The following DOCK5 variants were observed in gnomAD, a reference collection of about 807,000 sequenced individuals.
DOCK5 encodes the protein dedicator of cytokinesis 5, also known as dedicator of cytokinesis protein 5.
Under a neutral mutation model 251.8 loss-of-function variants are expected in DOCK5, and 142 were observed. The ratio of observed to expected loss-of-function variants is 0.56; its 90% CI spans 0.49 to 0.65. The LOEUF (loss-of-function observed/expected upper bound fraction) is 0.65. Ranked by LOEUF, DOCK5 falls within the 30% of genes least tolerant of loss-of-function variation. The probability of loss-of-function intolerance (pLI) is 0.00; values close to 1 mark genes in which losing one functional copy is unlikely to be tolerated. For missense variants in DOCK5, 2,111 were observed against 2,312.3 expected (o/e 0.91, Z 1.79); for synonymous variants, 842 against 835.5 (o/e 1.01, Z -0.13).
At chr8:25,228,856 C>G (rs770448625) in intron 1 of DOCK5, among the ~76,000 whole-genome samples, 24 of 151,930 alleles carry the variant, frequency 1.6e-4, no homozygotes, top group Non-Finnish European at 2.6e-4. Flanking sequence ...GAGAATTGAA[C>G]TCTTCGTAAG....
chr8:25,372,857 T>C (rs539156971), intron 35 of DOCK5, 139 bp downstream of exon 35: 5 of 771,058 alleles, frequency 6.5e-6, no homozygotes, highest in Non-Finnish European at 1.0e-5. Flanking sequence ...CTAAGTCTAA[T>C]TGGAATGGCT....
chr8:25,407,864 C>CA lies in DOCK5; in HGVS notation c.5094-97dup, dbSNP rs10606113. 2.3e-4 allele frequency: 223 copies of CA among 987,892 alleles called. 1 individual carries two copies. The African/African-American group carries it at 3.2e-3, about 14-fold the overall frequency. 61.2% of individuals were successfully genotyped at this position (987,892 alleles called of 1,614,324 possible). On this transcript the variant is annotated intron_variant, in intron 48 of 51. Coordinates refer to ENST00000276440, the MANE Select transcript of DOCK5 (RefSeq NM_024940.8). ...GAATGATGGGAGAAAGACCCTGTCT[C>CA]AAAAAAAAAAAAAAAAAAAAAATAG...
intron 1 of DOCK5, among the ~76,000 whole-genome samples, chr8:25,204,437 A>G (rs997383847): frequency 1.1e-4 from 16 of 152,298 alleles, no homozygotes; most frequent in African/African-American, 3.8e-4. Context: ...CAAAACAGAG[A>G]TAATATTTTC....
At position 25,411,426 on chromosome 8, in the gene DOCK5, C is replaced by T. The variant is rs896293134; in HGVS notation, c.*128C>T. The T allele has an allele frequency of 8.0e-6, 10 of 1,242,892 alleles. No homozygotes were observed. Among genetic ancestry groups the T allele is most frequent in the Admixed American group, 4.2e-5 (1 of 23,744 alleles). 77.0% of individuals were successfully genotyped at this position (1,242,892 alleles called of 1,614,324 possible). On this transcript the variant is annotated 3_prime_UTR_variant, in exon 52 of 52. Transcript: ENST00000276440. ...TTTCCTGATCTGGGATGATGTTTAC[C>T]AGCCCAAAACCAGTCATGTTCTTCC...
intron 24 of DOCK5, 91 bp from the exon 25 acceptor site, chr8:25,342,310 C>G (rs1805973011): frequency 1.0e-6 from 1 of 962,044 alleles, no homozygotes; most frequent in Admixed American, 2.2e-5. Flanking sequence ...TCTCTCCATG[C>G]CCAAATCTCA....
At chr8:25,253,702 TAA>T (rs1313981776) in intron 2 of DOCK5, among the ~76,000 whole-genome samples, 3 of 152,160 alleles carry the variant, frequency 2.0e-5, no homozygotes, top group Admixed American at 6.5e-5. Flanking sequence ...CATAGTAATA[TAA>T]GAGTCAGTTA....
At chr8:25,271,172 TA>T (rs199713247) in intron 3 of DOCK5, 12 of 229,828 alleles carry the variant, frequency 5.2e-5, no homozygotes, top group Middle Eastern at 1.4e-3. Flanking sequence ...GGATTTTTTT[TA>T]AATTTTTTTG....
rs150585750 is a variant in DOCK5, at chr8:25,389,170, A to G, written c.4211A>G (p.Asn1404Ser). Residue 1404 changes from asparagine to serine, a missense_variant, in exon 41 of 52, where the codon AAT (asparagine) becomes AGT (serine). Coordinates refer to ENST00000276440, the MANE Select transcript of DOCK5 (RefSeq NM_024940.8). ...CTGAGGTTGTTAACCCAGTTCCCCA[A>G]TGCGGAGAAGATGACCAGTACCACG... ...FSLRLLTQFP[N>S]AEKMTSTTPP... The G allele has an allele frequency of 1.4e-4, 228 of 1,614,016 alleles. No individual in the cohort carries two copies. In the African/African-American group the frequency reaches 2.1e-3, roughly 15 times the overall value.
chr8:25,286,664 GT>G (rs138603711), intron 5 of DOCK5, among the ~76,000 whole-genome samples: 7 of 147,662 alleles, frequency 4.7e-5, no homozygotes, highest in Admixed American at 6.8e-5. Context: ...TCTCTTTTTT[GT>G]TTTTTTTTTG....
At chr8:25,236,905 A>G (rs1051366401) in intron 1 of DOCK5, among the ~76,000 whole-genome samples, 10 of 152,138 alleles carry the variant, frequency 6.6e-5, no homozygotes, top group African/African-American at 2.4e-4. Flanking sequence ...GGCCATAGTC[A>G]TCTTTGGAAT....
rs776283884 is a variant in DOCK5, at chr8:25,373,631, A to G, written c.3698A>G (p.Glu1233Gly). Residue 1233 changes from glutamate to glycine, a missense_variant, in exon 36 of 52, where the codon GAA becomes GGA. Glu to Gly is a moderately conservative substitution (Grantham distance 98). This residue lies in a region of DOCK5 where 1,717 missense variants were observed against 1,892.4 expected (regional missense o/e 0.91). Transcript: ENST00000276440. Reference protein sequence around the residue: ...CTVNVLNFYKEKKREDIYIRY... With the variant: ...CTVNVLNFYKGKKREDIYIRY... Reference sequence around the variant, plus strand: ...TTTTCCTGGCAGAACTTTTATAAAGAAAAGAAGAGAGAGGACATATACATA... The same window carrying G: ...TTTTCCTGGCAGAACTTTTATAAAGGAAAGAAGAGAGAGGACATATACATA... The G allele has an allele frequency of 2.3e-5, 37 of 1,596,282 alleles. No homozygotes were observed. The highest frequency in any genetic ancestry group is 2.5e-5 in the Non-Finnish European group (29 of 1,171,074).
intron 33 of DOCK5, among the ~76,000 whole-genome samples, chr8:25,369,330 A>G (rs1800832600): frequency 6.6e-6 from 1 of 152,244 alleles, no homozygotes; most frequent in South Asian, 2.1e-4. Flanking sequence ...TTTGGATAAT[A>G]TGTTTTTAAT....
intron 1 of DOCK5, among the ~76,000 whole-genome samples, chr8:25,207,549 C>T (rs1802030888): frequency 6.6e-6 from 1 of 152,174 alleles, no homozygotes; most frequent in South Asian, 2.1e-4. Flanking sequence ...AACAATTATG[C>T]TAAATCTACT....
At chr8:25,374,775 A>G in intron 37 of DOCK5, 121 bp downstream of exon 37, 2 of 1,584,958 alleles carry the variant, frequency 1.3e-6, no homozygotes, top group Non-Finnish European at 1.7e-6. Context: ...CTTTTATACA[A>G]GTTTTTTTAG....
At chr8:25,407,331 G>T (rs1276852345) in intron 48 of DOCK5, among the ~76,000 whole-genome samples, 1 of 151,968 alleles carries the variant, frequency 6.6e-6, no homozygotes, top group African/African-American at 2.4e-5. Context: ...TTGAACACAG[G>T]CTATCTGGCT....
At chr8:25,306,086 AT>A (rs1563195778) in intron 11 of DOCK5, among the ~76,000 whole-genome samples, 1 of 152,300 alleles carries the variant, frequency 6.6e-6, no homozygotes, top group Non-Finnish European at 1.5e-5. Context: ...GCTATGAATT[AT>A]TTTTTTAAAA....
chr8:25,250,713 A>G (rs1803244588), intron 2 of DOCK5, among the ~76,000 whole-genome samples: 1 of 152,218 alleles, frequency 6.6e-6, no homozygotes, highest in African/African-American at 2.4e-5. Context: ...GGAGGGATAG[A>G]CAAAACCAAG....
At chr8:25,284,626 T>C (rs115610851) in intron 5 of DOCK5, among the ~76,000 whole-genome samples, 2,729 of 152,298 alleles carry the variant, frequency 0.018, 75 homozygotes, top group African/African-American at 0.058. Flanking sequence ...TGTCAACACC[T>C]CTTCCTGCTT....
At chr8:25,271,897 C>T (rs1423317824) in intron 3 of DOCK5, among the ~76,000 whole-genome samples, 1 of 152,156 alleles carries the variant, frequency 6.6e-6, no homozygotes, top group Non-Finnish European at 1.5e-5. Context: ...AATTCTATGA[C>T]TGTAAATGGC....
Sources: gnomAD v4.1 joint callset for allele counts (sites outside exome capture counted in the v4.1 genomes callset) on GRCh38, gnomAD v4.1.1 for gene constraint, gnomAD v4.1.1 regional missense constraint, MANE v1.5 for transcripts, NCBI Gene and HGNC (gene_info 2026-07-23, HGNC 2026-07-21) for gene names.